Variants in FHOD3 observed in about 807,000 individuals in gnomAD.
FHOD3 encodes the protein formin homology 2 domain containing 3.
A neutral mutation model predicts 173.0 loss-of-function variants in FHOD3; 90 were observed. The observed-to-expected ratio is 0.52, with a 90% CI of 0.44 to 0.62. The LOEUF (loss-of-function observed/expected upper bound fraction) is 0.62. FHOD3 is among the 20% of genes least tolerant of loss of function. The probability of loss-of-function intolerance (pLI) is 0.00; values close to 1 mark genes in which losing one functional copy is unlikely to be tolerated. For synonymous variants in FHOD3, 828 were observed against 823.0 expected (o/e 1.01, Z -0.10); for missense variants, 1,945 against 2,034.7 (o/e 0.96, Z 0.85).
At chr18:36,545,114 T>A (rs1471144681) in intron 5 of FHOD3, among the ~76,000 whole-genome samples, 1 of 152,136 alleles carries the variant, frequency 6.6e-6, no homozygotes, top group Non-Finnish European at 1.5e-5. Context: ...CTCCCTCTCC[T>A]TCTTTATCTC....
chr18:36,307,911 T>C (rs1428562343), intron 1 of FHOD3, among the ~76,000 whole-genome samples: 5 of 152,256 alleles, frequency 3.3e-5, no homozygotes, highest in African/African-American at 1.2e-4. Flanking sequence ...CTTGCCAGAA[T>C]TTTAACATCT....
chr18:36,375,915 G>A (rs147473273), intron 3 of FHOD3, among the ~76,000 whole-genome samples: 18 of 152,310 alleles, frequency 1.2e-4, no homozygotes, highest in Admixed American at 3.3e-4. Flanking sequence ...ATATTGCAGC[G>A]AACGCTGCAC....
At chr18:36,328,963 C>A (rs1048636757) in intron 1 of FHOD3, among the ~76,000 whole-genome samples, 7 of 152,238 alleles carry the variant, frequency 4.6e-5, no homozygotes, top group Non-Finnish European at 8.8e-5. Context: ...CAGGCTGGAG[C>A]CATACAGTGG....
chr18:36,622,186 G>A (rs1016980598), intron 9 of FHOD3, among the ~76,000 whole-genome samples: 20 of 152,290 alleles, frequency 1.3e-4, no homozygotes, highest in African/African-American at 4.6e-4. Flanking sequence ...AGGAGAGGGG[G>A]TGAAGGAGAG....
intron 14 of FHOD3, among the ~76,000 whole-genome samples, 196 bp downstream of exon 14, chr18:36,658,384 T>G (rs2036561583): frequency 6.6e-6 from 1 of 152,264 alleles, no homozygotes; most frequent in South Asian, 2.1e-4. Flanking sequence ...TTAGAGGTGA[T>G]ATTTTAATAT....
At chr18:36,489,623 GT>G (rs2054363324) in intron 3 of FHOD3, among the ~76,000 whole-genome samples, 1 of 152,126 alleles carries the variant, frequency 6.6e-6, no homozygotes, top group Admixed American at 6.6e-5. Context: ...AGTGAGCCAT[GT>G]TCATACTCCC....
At chr18:36,622,340 T>C (rs1466860318) in intron 9 of FHOD3, among the ~76,000 whole-genome samples, 6 of 152,348 alleles carry the variant, frequency 3.9e-5, no homozygotes, top group African/African-American at 1.4e-4. Context: ...TTGAATATTT[T>C]TACTACAATA....
chr18:36,401,290 G>A (rs55970700), intron 3 of FHOD3, among the ~76,000 whole-genome samples: 7,428 of 152,184 alleles, frequency 0.049, 610 homozygotes, highest in African/African-American at 0.17. Context: ...ACCCTATGAG[G>A]ACACATACAC....
intron 3 of FHOD3, among the ~76,000 whole-genome samples, chr18:36,400,982 G>A (rs1169787356): frequency 6.6e-6 from 1 of 152,202 alleles, no homozygotes. Context: ...TTATGTGAAA[G>A]TGCAAGGCTG....
chr18:36,523,818 T>C (rs1255306485), intron 5 of FHOD3, among the ~76,000 whole-genome samples: 1 of 152,196 alleles, frequency 6.6e-6, no homozygotes, highest in Non-Finnish European at 1.5e-5. Context: ...AAAGCAGAGC[T>C]GTTTAACTTT....
chr18:36,583,323 G>T (rs1277822244), intron 6 of FHOD3, among the ~76,000 whole-genome samples: 1 of 152,144 alleles, frequency 6.6e-6, no homozygotes, highest in Non-Finnish European at 1.5e-5. Context: ...TCCTTGGGGT[G>T]GGTTGCTTTT....
intron 19 of FHOD3, among the ~76,000 whole-genome samples, chr18:36,727,362 C>G (rs2041130359): frequency 6.6e-6 from 1 of 152,146 alleles, no homozygotes; most frequent in African/African-American, 2.4e-5. Context: ...GAGAGTTGGA[C>G]AGCCCTACCC....
intron 5 of FHOD3, among the ~76,000 whole-genome samples, chr18:36,552,790 G>A (rs1342370582): frequency 3.9e-5 from 6 of 152,020 alleles, no homozygotes; most frequent in African/African-American, 9.7e-5. Flanking sequence ...GAGCCACTGC[G>A]CCCGGCCAAT....
chr18:36,562,712 G>A (rs1599668139), intron 5 of FHOD3, among the ~76,000 whole-genome samples: 1 of 152,322 alleles, frequency 6.6e-6, no homozygotes, highest in East Asian at 1.9e-4. Context: ...TGCTGAGCCT[G>A]CTGGGGAGAG....
chr18:36,603,759 C>T (rs1481894418), intron 8 of FHOD3, among the ~76,000 whole-genome samples: 1 of 152,196 alleles, frequency 6.6e-6, no homozygotes, highest in African/African-American at 2.4e-5. Context: ...CCGTTTTGGC[C>T]TCCCAAAGTG....
intron 7 of FHOD3, among the ~76,000 whole-genome samples, chr18:36,600,269 A>ACACACG (rs2148452640): frequency 6.6e-6 from 1 of 151,504 alleles, no homozygotes; most frequent in South Asian, 2.1e-4. Flanking sequence ...ACACACACAC[A>ACACACG]CACACACACA....
At chr18:36,617,206 G>A (rs1182453318) in intron 9 of FHOD3, among the ~76,000 whole-genome samples, 4 of 152,144 alleles carry the variant, frequency 2.6e-5, no homozygotes, top group East Asian at 1.9e-4. Context: ...CATATTTATG[G>A]TAGGTGAGGC....
intron 3 of FHOD3, among the ~76,000 whole-genome samples, chr18:36,444,085 C>G (rs890989530): frequency 3.4e-5 from 5 of 148,454 alleles, no homozygotes; most frequent in Admixed American, 6.9e-5. Flanking sequence ...CCCAGCTGTT[C>G]AGGAGGCTGA....
chr18:36,390,500 C>T (rs1299500476), intron 3 of FHOD3, among the ~76,000 whole-genome samples: 3 of 152,188 alleles, frequency 2.0e-5, no homozygotes, highest in African/African-American at 7.2e-5. Flanking sequence ...CCTGCTCTGG[C>T]ATGCACCCTG....
Sources: gnomAD v4.1 joint callset for allele counts (sites outside exome capture counted in the v4.1 genomes callset) on GRCh38, gnomAD v4.1.1 for gene constraint, MANE v1.5 for transcripts, NCBI Gene and HGNC (gene_info 2026-07-23, HGNC 2026-07-21) for gene names.